The following UNC79 variants were observed in gnomAD, a reference collection of about 807,000 sequenced individuals.
UNC79 encodes the protein unc-79 subunit of NALCN channel complex.
UNC79 carries 37 observed loss-of-function variants against 283.1 expected under a neutral mutation model. That is an observed-to-expected ratio of 0.13 (90% CI 0.10 to 0.17). UNC79 has a LOEUF of 0.17. Ranked by LOEUF, UNC79 falls within the 10% of genes least tolerant of loss-of-function variation. The pLI, the probability that UNC79 is intolerant of heterozygous loss-of-function variation, is 1.00. For missense variants in UNC79, 2,272 were observed against 3,211.1 expected (o/e 0.71, Z 7.07); for synonymous variants, 1,107 against 1,200.2 (o/e 0.92, Z 1.61).
At chr14:93,576,699 C>T (rs942715537) in intron 17 of UNC79, among the ~76,000 whole-genome samples, 6 of 152,064 alleles carry the variant, frequency 3.9e-5, no homozygotes, top group Admixed American at 1.3e-4. Context: ...GGGCACCAAA[C>T]GGGAGCTGAA....
chr14:93,582,326 G>C, exon 20 of UNC79: 1 of 1,614,116 alleles, frequency 6.2e-7, no homozygotes. Context: ...CAACTGCACC[G>C]AGCCCGTGGA....
chr14:93,404,493 A>AAAAATATATATATAT, intron 1 of UNC79, among the ~76,000 whole-genome samples: 7 of 61,494 alleles, frequency 1.1e-4, no homozygotes, highest in South Asian at 4.6e-4. Flanking sequence ...TTCTAAAAAA[A>AAAAATATATATATAT]ATATATATAT....
At chr14:93,340,441 CAAAAAAAAAAAA>C (rs1193751068) in intron 1 of UNC79, among the ~76,000 whole-genome samples, 2 of 64,448 alleles carry the variant, frequency 3.1e-5, no homozygotes, top group African/African-American at 1.1e-4. Context: ...AACGCTGTCT[CAAAAAAAAAAAA>C]AAAAAAAAAA....
chr14:93,665,910 G>A (rs2072147158), intron 40 of UNC79, among the ~76,000 whole-genome samples: 2 of 152,004 alleles, frequency 1.3e-5, no homozygotes, highest in South Asian at 2.1e-4. Flanking sequence ...GGAGTGAAAT[G>A]TGTGAAGGAA....
At chr14:93,347,485 G>T in intron 1 of UNC79, 1 of 1,334,750 alleles carries the variant, frequency 7.5e-7, no homozygotes, top group African/African-American at 1.6e-5. Context: ...GACACGGCGT[G>T]CAGGCCTCGC....
At chr14:93,535,403 C>T (rs772075951) in intron 11 of UNC79, among the ~76,000 whole-genome samples, 6 of 152,114 alleles carry the variant, frequency 3.9e-5, no homozygotes, top group Non-Finnish European at 8.8e-5. Context: ...GACTTTTAGT[C>T]GGTATTCCAG....
At chr14:93,502,434 A>G (rs1189931781) in intron 7 of UNC79, among the ~76,000 whole-genome samples, 1 of 152,050 alleles carries the variant, frequency 6.6e-6, no homozygotes, top group Non-Finnish European at 1.5e-5. Flanking sequence ...CAAAAAATTG[A>G]TGTCTCATAT....
chr14:93,378,589 T>C (rs2054606568), intron 1 of UNC79, among the ~76,000 whole-genome samples: 1 of 152,206 alleles, frequency 6.6e-6, no homozygotes, highest in Non-Finnish European at 1.5e-5. Context: ...ATGAACCATA[T>C]ACAGATAGCC....
chr14:93,562,173 C>A (rs552095412), intron 14 of UNC79, among the ~76,000 whole-genome samples: 1 of 152,200 alleles, frequency 6.6e-6, no homozygotes, highest in East Asian at 1.9e-4. Flanking sequence ...TGGGGAGGAT[C>A]CTGCAGGTGG....
chr14:93,691,731 C>T lies in UNC79; in HGVS notation c.7273-18C>T, dbSNP rs573910742. The T allele has an allele frequency of 1.4e-5, 22 of 1,612,702 alleles. No individual in the cohort carries two copies. The highest frequency in any genetic ancestry group is 1.3e-4 in the East Asian group (6 of 44,894). On this transcript the variant is annotated intron_variant, in intron 45 of 48. Coordinates refer to ENST00000555664, the Ensembl canonical transcript of UNC79. The stretch of plus-strand genomic sequence containing the variant: ...CTGCTGGGATGCAATGCACTGATGC[C>T]GTCTTCTTCCTTTTCAGACCTCCGT...
chr14:93,459,693 C>A, intron 1 of UNC79, among the ~76,000 whole-genome samples: 1 of 22,026 alleles, frequency 4.5e-5, no homozygotes. Flanking sequence ...TTTTTTGAGA[C>A]GGAGTCTCAC....
intron 38 of UNC79, among the ~76,000 whole-genome samples, chr14:93,655,640 AT>A (rs929860040): frequency 1.4e-5 from 2 of 139,658 alleles, no homozygotes; most frequent in African/African-American, 2.8e-5. Flanking sequence ...TTTCCAGTTG[AT>A]TTGAAAAAAA....
chr14:93,408,168 C>G lies in UNC79; in HGVS notation c.-350-59503C>G, dbSNP rs143675665. Among the ~76,000 whole-genome samples, 1,400 of 152,168 alleles carry G rather than the reference C, an allele frequency of 9.2e-3. 8 individuals carry two copies. The highest frequency in any genetic ancestry group is 0.012 in the Non-Finnish European group (826 of 68,014). On this transcript the variant is annotated intron_variant, in intron 1 of 49. Transcript: ENST00000256339. The stretch of plus-strand genomic sequence containing the variant: ...GAAACTTTGGAATGATGAGACTGGA[C>G]ATTTAAAATAACTATGATTAATATG...
At chr14:93,391,402 A>T (rs1193451927) in intron 1 of UNC79, among the ~76,000 whole-genome samples, 1 of 152,240 alleles carries the variant, frequency 6.6e-6, no homozygotes, top group Non-Finnish European at 1.5e-5. Flanking sequence ...GAAGCATATT[A>T]TCCTGACTTT....
chr14:93,558,593 A>ATTTTTTTTTTTTTTTTTTTT (rs71129647), intron 14 of UNC79, among the ~76,000 whole-genome samples: 2 of 62,778 alleles, frequency 3.2e-5, no homozygotes, highest in Non-Finnish European at 5.3e-5. Context: ...AGAAACAGGG[A>ATTTTTTTTTTTTTTTTTTTT]TTTTTTTTTT....
intron 27 of UNC79, among the ~76,000 whole-genome samples, chr14:93,616,405 G>A (rs2066734179): frequency 7.7e-6 from 1 of 130,484 alleles, no homozygotes; most frequent in Admixed American, 9.4e-5. Flanking sequence ...TCTCACTCTG[G>A]TAGCCCAGGC....
At chr14:93,580,552 T>A (rs148379129) in intron 19 of UNC79, among the ~76,000 whole-genome samples, 176 bp downstream of exon 19, 112 of 152,318 alleles carry the variant, frequency 7.4e-4, no homozygotes, top group African/African-American at 2.4e-3. Flanking sequence ...TGGAAAGGGA[T>A]ACAAACTGAA....
intron 1 of UNC79, among the ~76,000 whole-genome samples, chr14:93,425,256 C>T (rs1170733776): frequency 6.6e-6 from 1 of 152,154 alleles, no homozygotes; most frequent in African/African-American, 2.4e-5. Flanking sequence ...ATAAAACCAT[C>T]AGATCTTGTG....
At chr14:93,335,197 G>A (rs1467548951) in intron 1 of UNC79, 1 of 152,218 alleles carries the variant, frequency 6.6e-6, no homozygotes, top group African/African-American at 2.4e-5. Context: ...CTAGTAGACT[G>A]TTTGGATCTA....
Sources: allele counts gnomAD v4.1 joint callset (sites outside exome capture counted in the v4.1 genomes callset), GRCh38; gene constraint gnomAD v4.1.1; transcripts MANE v1.5; gene names NCBI Gene and HGNC (gene_info 2026-07-23, HGNC 2026-07-21).